The following PELI2 variants were observed in gnomAD, a reference collection of about 807,000 sequenced individuals.
PELI2 encodes pellino E3 ubiquitin protein ligase family member 2.
A neutral mutation model predicts 42.3 loss-of-function variants in PELI2; 23 were observed. The ratio of observed to expected loss-of-function variants is 0.54; its 90% CI spans 0.39 to 0.77. PELI2 has a LOEUF of 0.77. Among genes scored for constraint, PELI2 ranks in the 30% least tolerant of loss-of-function variants. PELI2 has a pLI of 0.00. For synonymous variants in PELI2, 245 were observed against 212.2 expected (o/e 1.15, Z -1.34); for missense variants, 463 against 553.2 (o/e 0.84, Z 1.64).
chr14:56,264,731 T>C, intron 2 of PELI2, among the ~76,000 whole-genome samples: 1 of 152,222 alleles, frequency 6.6e-6, no homozygotes, highest in Middle Eastern at 3.2e-3. Flanking sequence ...AAGAAATATA[T>C]ATTAAGTGAG....
intron 1 of PELI2, among the ~76,000 whole-genome samples, chr14:56,124,319 T>G (rs1017665327): frequency 6.6e-6 from 1 of 151,434 alleles, no homozygotes; most frequent in African/African-American, 2.4e-5. Context: ...ATATGTCATG[T>G]TAATAATGTC....
chr14:56,190,749 A>G (rs1220331436), intron 2 of PELI2, among the ~76,000 whole-genome samples: 3 of 152,254 alleles, frequency 2.0e-5, no homozygotes, highest in Non-Finnish European at 1.5e-5. Context: ...GTTAGCCAAT[A>G]TGCTTTAACA....
chr14:56,171,227 T>C (rs1274684570), intron 1 of PELI2, among the ~76,000 whole-genome samples: 1 of 152,104 alleles, frequency 6.6e-6, no homozygotes, highest in Non-Finnish European at 1.5e-5. Context: ...AAGAGGTGAT[T>C]AGGTCATGAC....
intron 2 of PELI2, among the ~76,000 whole-genome samples, chr14:56,239,701 C>T (rs1245626381): frequency 2.0e-5 from 3 of 152,082 alleles, no homozygotes; most frequent in Non-Finnish European, 4.4e-5. Flanking sequence ...TATGGTCCTT[C>T]CCCAAGCCCC....
At chr14:56,267,987 T>C (rs1205787254) in intron 2 of PELI2, among the ~76,000 whole-genome samples, 1 of 152,202 alleles carries the variant, frequency 6.6e-6, no homozygotes, top group Admixed American at 6.5e-5. Flanking sequence ...TATCTTAGTA[T>C]AAAATCGATT....
intron 2 of PELI2, among the ~76,000 whole-genome samples, chr14:56,193,710 T>G (rs565110041): frequency 2.6e-5 from 4 of 152,374 alleles, no homozygotes. Context: ...TTTAAAATTT[T>G]ATCAAGTTTC....
At chr14:56,131,382 C>T (rs1883476254) in intron 1 of PELI2, among the ~76,000 whole-genome samples, 1 of 152,108 alleles carries the variant, frequency 6.6e-6, no homozygotes, top group African/African-American at 2.4e-5. Context: ...TACATATGAC[C>T]CAGAGTTTCT....
intron 2 of PELI2, among the ~76,000 whole-genome samples, chr14:56,252,844 T>C (rs242583): frequency 0.77 from 117,119 of 152,120 alleles, 45,610 homozygotes; most frequent in African/African-American, 0.88. Context: ...GGACTCCTCC[T>C]CAACTCATTC....
chr14:56,189,390 A>C (rs934673554), intron 2 of PELI2, among the ~76,000 whole-genome samples: 5 of 152,166 alleles, frequency 3.3e-5, no homozygotes, highest in Non-Finnish European at 7.3e-5. Context: ...ACGAGGTAAG[A>C]GAGAGAACAT....
intron 2 of PELI2, among the ~76,000 whole-genome samples, chr14:56,233,988 A>C (rs913821539): frequency 6.6e-6 from 1 of 152,256 alleles, no homozygotes; most frequent in Non-Finnish European, 1.5e-5. Context: ...CAGCCAACGG[A>C]CACATGAAAA....
intron 1 of PELI2, among the ~76,000 whole-genome samples, chr14:56,151,476 C>T (rs1884350891): frequency 6.6e-6 from 1 of 152,178 alleles, no homozygotes; most frequent in Non-Finnish European, 1.5e-5. Flanking sequence ...AGGGGCTGAA[C>T]TTCTTCAATG....
At chr14:56,202,781 CT>C (rs1476162118) in intron 2 of PELI2, among the ~76,000 whole-genome samples, 1 of 152,170 alleles carries the variant, frequency 6.6e-6, no homozygotes, top group Non-Finnish European at 1.5e-5. Flanking sequence ...TTGACAACAT[CT>C]TTAACCAGAA....
rs145879985 is a variant in PELI2, at chr14:56,178,369, C to G, written c.112C>G (p.Arg38Gly). ...NGALPNGDRG[R>G]RKSRFALYKR... is the part of the protein sequence containing the mutation. ...TGCTTTACCCAATGGAGATAGAGGACGGAGGAAAAGTAGATTTGCCCTCTA... is the reference window on the plus strand; with the variant it reads ...TGCTTTACCCAATGGAGATAGAGGAGGGAGGAAAAGTAGATTTGCCCTCTA... Residue 38 changes from arginine (R) to glycine (G), a missense_variant, in exon 2 of 6, where the codon CGG becomes GGG. By Grantham distance (125) the Arg-to-Gly change is moderately radical (BLOSUM62 -2). This residue lies in a region of PELI2 where 343 missense variants were observed against 378.4 expected (regional missense o/e 0.91). Transcript: ENST00000267460. 5 of 1,613,754 alleles carry G rather than the reference C, an allele frequency of 3.1e-6. No homozygotes were observed. Among genetic ancestry groups the G allele is most frequent in the Non-Finnish European group, 4.2e-6 (5 of 1,179,798 alleles).
At chr14:56,142,580 A>G (rs1883954666) in intron 1 of PELI2, among the ~76,000 whole-genome samples, 1 of 152,200 alleles carries the variant, frequency 6.6e-6, no homozygotes, top group Non-Finnish European at 1.5e-5. Flanking sequence ...ACACATAATT[A>G]CATATACATT....
intron 2 of PELI2, among the ~76,000 whole-genome samples, chr14:56,255,128 A>G (rs1330118216): frequency 6.6e-6 from 1 of 152,206 alleles, no homozygotes. Flanking sequence ...CAGCAATCCC[A>G]TTATTGGTTA....
intron 2 of PELI2, among the ~76,000 whole-genome samples, chr14:56,278,016 C>T (rs367692985): frequency 2.6e-4 from 39 of 152,218 alleles, no homozygotes; most frequent in African/African-American, 8.7e-4. Context: ...CATTTGTACA[C>T]TATAGACATT....
At chr14:56,284,133 C>G (rs1889572103) in intron 3 of PELI2, among the ~76,000 whole-genome samples, 1 of 152,126 alleles carries the variant, frequency 6.6e-6, no homozygotes, top group Admixed American at 6.5e-5. Context: ...CTGCATTTCC[C>G]ACTGTTGGAG....
At chr14:56,239,196 T>A (rs1887893329) in intron 2 of PELI2, among the ~76,000 whole-genome samples, 1 of 152,234 alleles carries the variant, frequency 6.6e-6, no homozygotes, top group African/African-American at 2.4e-5. Context: ...TTATTGCCTG[T>A]CTTGCTCTCT....
chr14:56,257,673 A>T (rs1204975252), intron 2 of PELI2, among the ~76,000 whole-genome samples: 1 of 152,224 alleles, frequency 6.6e-6, no homozygotes. Flanking sequence ...GACAAAATAT[A>T]TTAAATGACT....
Sources: gnomAD v4.1 joint callset for allele counts (sites outside exome capture counted in the v4.1 genomes callset) on GRCh38, gnomAD v4.1.1 for gene constraint, gnomAD v4.1.1 regional missense constraint, MANE v1.5 for transcripts, NCBI Gene and HGNC (gene_info 2026-07-23, HGNC 2026-07-21) for gene names.